IL1RAPL1: variants seen among roughly 807,000 people sequenced by gnomAD.
The protein encoded by IL1RAPL1 is interleukin 1 receptor accessory protein like 1, also known as interleukin-1 receptor accessory protein-like 1.
A neutral mutation model predicts 48.4 loss-of-function variants in IL1RAPL1; 3 were observed. The ratio of observed to expected loss-of-function variants is 0.06; its 90% CI spans 0.03 to 0.16. IL1RAPL1 has a LOEUF of 0.16. IL1RAPL1 is among the 10% of genes least tolerant of loss of function. The pLI, the probability that IL1RAPL1 is intolerant of heterozygous loss-of-function variation, is 1.00. For missense variants in IL1RAPL1, 349 were observed against 530.6 expected, an observed-to-expected ratio of 0.66 and a Z score of 3.36; for synonymous variants, 185 against 187.7, an observed-to-expected ratio of 0.99 and a Z score of 0.12.
chrX:29,684,763 G>A (rs111402207), intron 6 of IL1RAPL1, among the ~76,000 whole-genome samples: 10 of 111,875 alleles, frequency 8.9e-5, no homozygotes, highest in South Asian at 3.8e-4. Flanking sequence ...AAAAGTTAAC[G>A]TGAGAAAAGC....
At chrX:28,869,677 T>G (rs1482744945) in intron 2 of IL1RAPL1, among the ~76,000 whole-genome samples, 13 of 112,295 alleles carry the variant, frequency 1.2e-4, no homozygotes, top group Non-Finnish European at 2.3e-4. Context: ...AGTGTAGATT[T>G]TATTTTACTT....
rs965510063 is a variant in IL1RAPL1 at position 29,183,624 on chromosome X, G to C, written c.83-99314G>C. On this transcript the variant is annotated intron_variant, in intron 2 of 10. Transcript: ENST00000378993. The stretch of plus-strand genomic sequence containing the variant: ...ATTATTTTCTTGCCTCTGGCTCTTT[G>C]TTCAAACTTTTCCTACTGAATGAGA... Among the ~76,000 whole-genome samples, 6 of 110,311 alleles carry C rather than the reference G, an allele frequency of 5.4e-5. No homozygotes were observed. In the Admixed American group the frequency reaches 5.8e-4, roughly 11 times the overall value.
chrX:29,884,529 C>T (rs1932100354), intron 6 of IL1RAPL1, among the ~76,000 whole-genome samples: 1 of 111,126 alleles, frequency 9.0e-6, no homozygotes, highest in Non-Finnish European at 1.9e-5. Flanking sequence ...TGCCCCAGGG[C>T]TTAATCCTTG....
At position 29,917,515 on chromosome X, in the gene IL1RAPL1, T is replaced by A; in HGVS notation, c.830T>A (p.Val277Asp). Reference sequence around the variant, plus strand: ...GCTTTCTTTGGGTACAGCGGAGATGTCAGTCCTTTAATTTACTGGATGAAA... The same window carrying A: ...GCTTTCTTTGGGTACAGCGGAGATGACAGTCCTTTAATTTACTGGATGAAA... ...CRAFFGYSGDVSPLIYWMKGE... is the reference protein window; with the variant it reads ...CRAFFGYSGDDSPLIYWMKGE... Residue 277 changes from valine (V) to aspartate (D), a missense_variant, in exon 7 of 11, where the codon GTC becomes GAC. Val to Asp is a radical substitution (Grantham distance 152). Transcript: ENST00000378993. 1 of 1,205,637 alleles carries A rather than the reference T, an allele frequency of 8.3e-7. No individual in the cohort carries two copies. The highest frequency in any genetic ancestry group is 1.1e-6 in the Non-Finnish European group (1 of 890,030).
rs772622866 is a variant in IL1RAPL1, at chrX:29,544,442, G to T, written c.704-123988G>T. ...CCTTTCAAGTGTTGTGTGTATCTGT[G>T]TGCATATAAATGGTAGAAGAGATGG... On this transcript the variant is annotated intron_variant, in intron 5 of 10. Coordinates refer to ENST00000378993, the MANE Select transcript of IL1RAPL1 (RefSeq NM_014271.4). Among the ~76,000 whole-genome samples the T allele has an allele frequency of 8.1e-5, 9 of 111,656 alleles. No homozygotes were observed. In the South Asian group the frequency reaches 3.4e-3, roughly 42 times the overall value.
chrX:29,619,374 A>G (rs2147073348), intron 5 of IL1RAPL1, among the ~76,000 whole-genome samples: 1 of 111,882 alleles, frequency 8.9e-6, no homozygotes, highest in South Asian at 3.7e-4. Flanking sequence ...ACTCCTTACT[A>G]GGATGCTTTT....
chrX:29,057,247 T>A (rs1197463039), intron 2 of IL1RAPL1, among the ~76,000 whole-genome samples: 1 of 111,226 alleles, frequency 9.0e-6, no homozygotes, highest in African/African-American at 3.3e-5. Context: ...TATAGCTTAT[T>A]TTTACCTAAT....
At chrX:29,247,960 G>A (rs1337070093) in intron 2 of IL1RAPL1, among the ~76,000 whole-genome samples, 1 of 111,481 alleles carries the variant, frequency 9.0e-6, no homozygotes, top group East Asian at 2.8e-4. Context: ...GAACACACTA[G>A]GGTTCTTGAC....
At chrX:28,608,861 A>G (rs1331126744) in intron 1 of IL1RAPL1, among the ~76,000 whole-genome samples, 1 of 112,355 alleles carries the variant, frequency 8.9e-6, no homozygotes, top group African/African-American at 3.2e-5. Flanking sequence ...TGTGCATTTT[A>G]ATGAAGAAAG....
At chrX:28,862,960 C>T (rs1252189717) in intron 2 of IL1RAPL1, among the ~76,000 whole-genome samples, 5 of 110,396 alleles carry the variant, frequency 4.5e-5, no homozygotes, top group Non-Finnish European at 7.6e-5. Flanking sequence ...TGGCTCACGG[C>T]AACATCCGCC....
At chrX:29,679,767 A>G (rs1416961410) in intron 6 of IL1RAPL1, among the ~76,000 whole-genome samples, 1 of 112,022 alleles carries the variant, frequency 8.9e-6, no homozygotes, top group African/African-American at 3.2e-5. Context: ...GCTAAATAAA[A>G]TGAGTGAATC....
At chrX:29,475,109 T>C (rs1934959442) in intron 5 of IL1RAPL1, among the ~76,000 whole-genome samples, 1 of 112,572 alleles carries the variant, frequency 8.9e-6, no homozygotes, top group African/African-American at 3.2e-5. Context: ...TAATTTATTC[T>C]TTCATTTCTT....
chrX:29,196,338 G>A (rs1258906372), intron 2 of IL1RAPL1, among the ~76,000 whole-genome samples: 1 of 111,639 alleles, frequency 9.0e-6, no homozygotes, highest in Non-Finnish European at 1.9e-5. Context: ...ATGTCCTTTG[G>A]GAAACTAACT....
chrX:29,661,177 G>A (rs1441971647), intron 5 of IL1RAPL1, among the ~76,000 whole-genome samples: 2 of 112,269 alleles, frequency 1.8e-5, no homozygotes, highest in African/African-American at 6.5e-5. Context: ...TTATTATCCT[G>A]CAACTTCACT....
chrX:28,871,599 C>T (rs1171192933), intron 2 of IL1RAPL1, among the ~76,000 whole-genome samples: 1 of 111,453 alleles, frequency 9.0e-6, no homozygotes, highest in Non-Finnish European at 1.9e-5. Context: ...GCTCTTAGAT[C>T]AGAACCTCTA....
chrX:29,185,191 A>G (rs1930226988), intron 2 of IL1RAPL1, among the ~76,000 whole-genome samples: 1 of 112,755 alleles, frequency 8.9e-6, no homozygotes. Context: ...GTGAATCACT[A>G]AGTAAAAGTT....
intron 1 of IL1RAPL1, among the ~76,000 whole-genome samples, chrX:28,786,821 A>G (rs1051172205): frequency 6.1e-4 from 69 of 112,308 alleles, no homozygotes; most frequent in African/African-American, 2.2e-3. Context: ...ATAAGCAATA[A>G]GAAAATATGT....
chrX:28,787,257 G>A (rs1456180185), intron 1 of IL1RAPL1, among the ~76,000 whole-genome samples: 1 of 112,002 alleles, frequency 8.9e-6, no homozygotes, highest in Non-Finnish European at 1.9e-5. Flanking sequence ...TGTATAGTTG[G>A]GTCCTGGAGT....
intron 6 of IL1RAPL1, among the ~76,000 whole-genome samples, chrX:29,854,142 A>G (rs1931433334): frequency 8.9e-6 from 1 of 112,324 alleles, no homozygotes; most frequent in South Asian, 3.7e-4. Context: ...AGTTAGTGAC[A>G]GCTGTCTTCT....
Sources: gnomAD v4.1 joint callset for allele counts (sites outside exome capture counted in the v4.1 genomes callset) on GRCh38, gnomAD v4.1.1 for gene constraint, MANE v1.5 for transcripts, NCBI Gene and HGNC (gene_info 2026-07-23, HGNC 2026-07-21) for gene names.